RETREG1: variants seen among roughly 807,000 people sequenced by gnomAD.
RETREG1 encodes the protein reticulophagy regulator 1.
RETREG1 carries 44 observed loss-of-function variants against 54.8 expected under a neutral mutation model. That is an observed-to-expected ratio of 0.80 (90% CI 0.63 to 1.03). The LOEUF is 1.03. Ranked by LOEUF, RETREG1 falls within the 50% of genes least tolerant of loss-of-function variation. The pLI is 0.00. For synonymous variants in RETREG1, 217 were observed against 238.5 expected, an observed-to-expected ratio of 0.91 and a Z score of 0.83; for missense variants, 554 against 605.1, an observed-to-expected ratio of 0.92 and a Z score of 0.89.
intron 3 of RETREG1, among the ~76,000 whole-genome samples, chr5:16,501,297 T>C (rs923945092): frequency 2.0e-5 from 3 of 152,184 alleles, no homozygotes; most frequent in African/African-American, 7.2e-5. Flanking sequence ...AGCTAGTACC[T>C]GGTTAAGGCT....
At chr5:16,481,403 A>C (rs1302208509) in intron 4 of RETREG1, among the ~76,000 whole-genome samples, 1 of 152,134 alleles carries the variant, frequency 6.6e-6, no homozygotes, top group Non-Finnish European at 1.5e-5. Context: ...GCAAGAGAAC[A>C]GAAAACTATT....
At chr5:16,477,640 G>A (rs774059150) in intron 8 of RETREG1, 22 bp downstream of exon 8, 1 of 1,610,426 alleles carries the variant, frequency 6.2e-7, no homozygotes, top group South Asian at 1.1e-5. Context: ...AAAAATAAAT[G>A]TCTCCAGAAA....
At position 16,487,368 on chromosome 5, in the gene RETREG1, C is replaced by T. The variant is rs190374120; in HGVS notation, c.459-3896G>A. On this transcript the variant is annotated intron_variant, in intron 3 of 8. Transcript: ENST00000306320. ...TCGCCAGCCTTCCAGCTTTCTCTCACACTCTTGCCTTCACTAAGGAGTGAA... is the reference window on the plus strand; with the variant it reads ...TCGCCAGCCTTCCAGCTTTCTCTCATACTCTTGCCTTCACTAAGGAGTGAA... Among the ~76,000 whole-genome samples the T allele has an allele frequency of 1.6e-3, 247 of 152,298 alleles. 1 individual carries two copies. Among genetic ancestry groups the T allele is most frequent in the African/African-American group, 5.7e-3 (235 of 41,560 alleles).
chr5:16,530,420 T>A (rs867988807), intron 3 of RETREG1, among the ~76,000 whole-genome samples: 1 of 152,196 alleles, frequency 6.6e-6, no homozygotes, highest in African/African-American at 2.4e-5. Flanking sequence ...AAAAGTGAGA[T>A]AATAATTATA....
At chr5:16,514,822 G>A (rs940908554) in intron 3 of RETREG1, among the ~76,000 whole-genome samples, 1 of 151,120 alleles carries the variant, frequency 6.6e-6, no homozygotes, top group Non-Finnish European at 1.5e-5. Context: ...GTAGAATAAC[G>A]GTCTCCAACT....
chr5:16,530,460 T>A (rs1247564690), intron 3 of RETREG1, among the ~76,000 whole-genome samples: 1 of 152,216 alleles, frequency 6.6e-6, no homozygotes, highest in Non-Finnish European at 1.5e-5. Context: ...AGATTTAATA[T>A]ATCTGTAAAT....
At chr5:16,497,353 T>C (rs954140824) in intron 3 of RETREG1, among the ~76,000 whole-genome samples, 2 of 152,208 alleles carry the variant, frequency 1.3e-5, no homozygotes, top group African/African-American at 4.8e-5. Context: ...GTCCTTTGGC[T>C]AACAATAAGT....
At position 16,490,849 on chromosome 5, in the gene RETREG1, A is replaced by T. The variant is rs543986893; in HGVS notation, c.459-7377T>A. On this transcript the variant is annotated intron_variant, in intron 3 of 8. Coordinates refer to ENST00000306320, the MANE Select transcript of RETREG1 (RefSeq NM_001034850.3). ...ACATTAGGGCAGTGCCACAGGCAGG[A>T]TTATGGATCCCTAAATGCCAAGCTA... Among the ~76,000 whole-genome samples, 11 of 152,358 alleles carry T rather than the reference A, an allele frequency of 7.2e-5. No individual in the cohort carries two copies. The South Asian group carries it at 1.2e-3, about 17-fold the overall frequency.
intron 3 of RETREG1, among the ~76,000 whole-genome samples, chr5:16,553,853 CGACA>C (rs1257186505): frequency 6.6e-6 from 1 of 151,926 alleles, no homozygotes; most frequent in African/African-American, 2.4e-5. Context: ...ACAGGTAGGC[CGACA>C]GACAGACAGA....
At chr5:16,519,236 C>T (rs985143091) in intron 3 of RETREG1, among the ~76,000 whole-genome samples, 48 of 152,284 alleles carry the variant, frequency 3.2e-4, no homozygotes, top group African/African-American at 1.1e-3. Context: ...CCTAGATCAG[C>T]GGCTTTCAAA....
At chr5:16,598,217 A>G (rs559247721) in intron 1 of RETREG1, among the ~76,000 whole-genome samples, 7 of 152,268 alleles carry the variant, frequency 4.6e-5, no homozygotes, top group African/African-American at 1.7e-4. Context: ...CTGACTCTCT[A>G]CGTCCAGCTA....
At position 16,527,800 on chromosome 5, in the gene RETREG1, AT is replaced by A. The variant is rs386403108; in HGVS notation, c.458+37962del. Among the ~76,000 whole-genome samples, 568 of 66,148 alleles carry A rather than the reference AT, an allele frequency of 8.6e-3. 4 individuals carry two copies. The highest frequency in any genetic ancestry group is 0.031 in the African/African-American group (534 of 17,042). 43.4% of individuals were successfully genotyped at this position (66,148 alleles called of 152,430 possible). A position where few individuals can be genotyped will look rare whatever the true frequency, so the allele number is the denominator to read the frequency against. ...CTTAGTACAATTTCGAGGGACTCTA[AT>A]TTTTTTTTTTTTTTTTTTTTTTTTT... On this transcript the variant is annotated intron_variant, in intron 3 of 8. Transcript: ENST00000306320.
At chr5:16,606,300 T>G (rs1247652252) in intron 1 of RETREG1, among the ~76,000 whole-genome samples, 1 of 152,038 alleles carries the variant, frequency 6.6e-6, no homozygotes, top group Admixed American at 6.5e-5. Flanking sequence ...CTGCTGCCAC[T>G]CTCCTTCTCA....
chr5:16,581,003 A>G (rs2126321857), intron 1 of RETREG1, among the ~76,000 whole-genome samples: 1 of 152,272 alleles, frequency 6.6e-6, no homozygotes, highest in Non-Finnish European at 1.5e-5. Flanking sequence ...AGGTGATGAC[A>G]GTCACCACCT....
intron 1 of RETREG1, 179 bp downstream of exon 1, chr5:16,616,473 G>A (rs1743512000): frequency 2.7e-6 from 3 of 1,121,168 alleles, no homozygotes; most frequent in South Asian, 3.5e-5. Context: ...ACGTGCGTCC[G>A]GAGGAAAGTT....
intron 1 of RETREG1, among the ~76,000 whole-genome samples, chr5:16,584,821 T>A (rs1742583025): frequency 6.6e-6 from 1 of 152,226 alleles, no homozygotes; most frequent in Admixed American, 6.5e-5. Context: ...CAGAGCTGTT[T>A]AAAACATGTA....
rs142458217 is a variant in RETREG1 at position 16,533,966 on chromosome 5, T to C, written c.458+31797A>G. On this transcript the variant is annotated intron_variant, in intron 3 of 8. Coordinates refer to ENST00000306320, the MANE Select transcript of RETREG1 (RefSeq NM_001034850.3). ...CAAAGTCTGGTGAGAATGCATGTGGTTGGTGGAGTGTGAGGTCTGGAGCCT... is the reference window on the plus strand; with the variant it reads ...CAAAGTCTGGTGAGAATGCATGTGGCTGGTGGAGTGTGAGGTCTGGAGCCT... Among the ~76,000 whole-genome samples, 661 of 152,200 alleles carry C rather than the reference T, an allele frequency of 4.3e-3. 4 individuals carry two copies. The highest frequency in any genetic ancestry group is 0.015 in the African/African-American group (636 of 41,526).
In RETREG1 at chr5:16,475,387, A is replaced by G. The variant is rs1419035255; in HGVS notation, c.1001-153T>C. Among the ~76,000 whole-genome samples the G allele has an allele frequency of 2.0e-5, 3 of 151,934 alleles. No individual in the cohort carries two copies. In the East Asian group the frequency reaches 5.8e-4, roughly 29 times the overall value. Reference sequence around the variant, plus strand: ...TCAACTTGAATCAATTTAACCACATACTGAACTCCTCCTAATCCTGCAACA... The same window carrying G: ...TCAACTTGAATCAATTTAACCACATGCTGAACTCCTCCTAATCCTGCAACA... On this transcript the variant is annotated intron_variant, in intron 8 of 8. Coordinates refer to ENST00000306320, the MANE Select transcript of RETREG1 (RefSeq NM_001034850.3).
intron 3 of RETREG1, among the ~76,000 whole-genome samples, chr5:16,543,970 GTTT>G (rs750605921): frequency 8.3e-6 from 1 of 121,100 alleles, no homozygotes; most frequent in Non-Finnish European, 1.7e-5. Context: ...TTATTGCCAA[GTTT>G]TTTTTTTTTT....
Sources: gnomAD v4.1 joint callset for allele counts (sites outside exome capture counted in the v4.1 genomes callset) on GRCh38, gnomAD v4.1.1 for gene constraint, MANE v1.5 for transcripts, NCBI Gene and HGNC (gene_info 2026-07-23, HGNC 2026-07-21) for gene names.